The following SPATS2L variants were observed in gnomAD, a reference collection of about 807,000 sequenced individuals.
SPATS2L encodes the protein spermatogenesis associated serine rich 2 like, also known as SPATS2-like protein.
Under a neutral mutation model 59.6 loss-of-function variants are expected in SPATS2L, and 30 were observed. The observed-to-expected ratio is 0.50, with a 90% CI of 0.38 to 0.68. The LOEUF (loss-of-function observed/expected upper bound fraction) is 0.68, where lower values mean the gene tolerates loss of function less well. Among genes scored for constraint, SPATS2L ranks in the 30% least tolerant of loss-of-function variants. The pLI, the probability that SPATS2L is intolerant of heterozygous loss-of-function variation, is 0.00. For synonymous variants in SPATS2L, 252 were observed against 263.5 expected, an observed-to-expected ratio of 0.96 and a Z score of 0.42; for missense variants, 615 against 700.0, an observed-to-expected ratio of 0.88 and a Z score of 1.37.
intron 3 of SPATS2L, among the ~76,000 whole-genome samples, chr2:200,398,063 G>C (rs62279295): frequency 0.087 from 13,294 of 152,210 alleles, 755 homozygotes; most frequent in Middle Eastern, 0.13. Flanking sequence ...GGCTGATGAG[G>C]AGTGTTTAGG....
chr2:200,392,165 C>T (rs573436222), intron 3 of SPATS2L, among the ~76,000 whole-genome samples: 2 of 151,974 alleles, frequency 1.3e-5, no homozygotes, highest in Non-Finnish European at 2.9e-5. Context: ...GGATATCGTC[C>T]AATAGGGGCT....
At chr2:200,356,968 T>C (rs993501706) in intron 2 of SPATS2L, among the ~76,000 whole-genome samples, 3 of 152,198 alleles carry the variant, frequency 2.0e-5, no homozygotes, top group Non-Finnish European at 4.4e-5. Context: ...AGAGCCATCA[T>C]GACCTAATCA....
intron 8 of SPATS2L, among the ~76,000 whole-genome samples, chr2:200,451,287 G>A (rs532278207): frequency 2.0e-5 from 3 of 151,814 alleles, no homozygotes; most frequent in East Asian, 1.9e-4. Context: ...CACCCACACC[G>A]CTGCACCCCA....
Position 200,469,964 on chromosome 2 carries a change from G to A in SPATS2L, c.1008G>A (p.Arg336=). 6.2e-7 allele frequency: 1 copy of A among 1,612,468 alleles called. No homozygotes were observed. The highest frequency in any genetic ancestry group is 8.5e-7 in the Non-Finnish European group (1 of 1,179,266). ...ACGAGGAGCTCGGGAAAGCTGCCCGGTTTTCCTGTGACATCGAACAGCTGA... is the reference window on the plus strand; with the variant it reads ...ACGAGGAGCTCGGGAAAGCTGCCCGATTTTCCTGTGACATCGAACAGCTGA... The part of the protein sequence containing the change: ...KYDEELGKAA[R]FSCDIEQLKA... The change falls in exon 11 of 13, where the codon CGG becomes CGA. Residue 336 remains arginine (R), a synonymous_variant. Coordinates refer to ENST00000409140, the MANE Select transcript of SPATS2L (RefSeq NM_001100423.2).
chr2:200,380,720 A>G (rs1302152301), intron 2 of SPATS2L, among the ~76,000 whole-genome samples: 1 of 152,350 alleles, frequency 6.6e-6, no homozygotes, highest in African/African-American at 2.4e-5. Context: ...TTTTTCTGAC[A>G]TTTGCCCTTA....
In SPATS2L at chr2:200,440,662, G is replaced by T; in HGVS notation, c.666G>T (p.Glu222Asp). Reference sequence around the variant, plus strand: ...CATCAATTTTAGGCCCAAATATTGAGAAATCAGTGAAGGATTTGCAACGCT... The same window carrying T: ...CATCAATTTTAGGCCCAAATATTGATAAATCAGTGAAGGATTTGCAACGCT... ...ELAKKRGPNI[E>D]KSVKDLQRCT... Residue 222 changes from glutamate (E) to aspartate (D), a missense_variant, in exon 8 of 13, where the codon GAG (glutamate) becomes GAT (aspartate). Glu to Asp is a conservative substitution (Grantham distance 45). Coordinates refer to ENST00000409140, the MANE Select transcript of SPATS2L (RefSeq NM_001100423.2). 1 of 1,612,378 alleles carries T rather than the reference G, an allele frequency of 6.2e-7. No individual in the cohort carries two copies. The highest frequency in any genetic ancestry group is 8.5e-7 in the Non-Finnish European group (1 of 1,179,064).
At chr2:200,397,293 T>G (rs922704556) in intron 3 of SPATS2L, among the ~76,000 whole-genome samples, 1 of 152,202 alleles carries the variant, frequency 6.6e-6, no homozygotes, top group Non-Finnish European at 1.5e-5. Context: ...GTAACTTCTA[T>G]TCACAATCCC....
At chr2:200,308,605 G>A (rs2079100745) in intron 1 of SPATS2L, among the ~76,000 whole-genome samples, 1 of 151,926 alleles carries the variant, frequency 6.6e-6, no homozygotes, top group African/African-American at 2.4e-5. Context: ...GTCAAATTCT[G>A]TATCTGTGTG....
chr2:200,339,504 C>T (rs567079332), intron 2 of SPATS2L, among the ~76,000 whole-genome samples: 3 of 152,226 alleles, frequency 2.0e-5, no homozygotes, highest in Admixed American at 2.0e-4. Context: ...GAAATGTTTA[C>T]ACCTGGTTTA....
chr2:200,407,467 C>T (rs1019241343), intron 3 of SPATS2L, among the ~76,000 whole-genome samples: 3 of 152,174 alleles, frequency 2.0e-5, no homozygotes, highest in African/African-American at 7.2e-5. Flanking sequence ...ACATTTCTGG[C>T]TCCACTGCTA....
chr2:200,428,275 T>C (rs2083703097), intron 6 of SPATS2L, among the ~76,000 whole-genome samples: 1 of 152,212 alleles, frequency 6.6e-6, no homozygotes, highest in Non-Finnish European at 1.5e-5. Context: ...GCCTCCATAT[T>C]ATTGAATCTA....
chr2:200,472,321 C>T (rs571142907), intron 11 of SPATS2L, among the ~76,000 whole-genome samples: 4 of 152,352 alleles, frequency 2.6e-5, no homozygotes, highest in Admixed American at 6.5e-5. Flanking sequence ...CATCCAACAT[C>T]ACCCCATTCC....
intron 2 of SPATS2L, among the ~76,000 whole-genome samples, chr2:200,356,161 TA>T (rs1476895889): frequency 6.6e-6 from 1 of 152,234 alleles, no homozygotes; most frequent in Non-Finnish European, 1.5e-5. Flanking sequence ...TATCTATCTA[TA>T]AAGTGTATTG....
Position 200,378,302 on chromosome 2 carries a change from C to T in SPATS2L, c.-22-10921C>T, listed in dbSNP as rs1429968570. On this transcript the variant is annotated intron_variant, in intron 2 of 12. Transcript: ENST00000409140. ...CAGTGGGGGAACAGAGCTTATGTGC[C>T]TCCTGAGAAAGCCAGTCGCTGGAAA... The T allele has an allele frequency of 1.4e-5, 14 of 1,002,370 alleles. No individual in the cohort carries two copies. The East Asian group carries it at 1.4e-3, about 97-fold the overall frequency. The allele number at this position is 1,002,370 out of a possible 1,614,324, so 62.1% of individuals were successfully genotyped here.
intron 2 of SPATS2L, among the ~76,000 whole-genome samples, chr2:200,349,452 A>T (rs1324829631): frequency 6.6e-6 from 1 of 152,250 alleles, no homozygotes; most frequent in Non-Finnish European, 1.5e-5. Flanking sequence ...ATTGACCAAC[A>T]TGGTGAAACC....
chr2:200,311,302 T>C (rs529125736), intron 1 of SPATS2L, among the ~76,000 whole-genome samples: 25 of 152,334 alleles, frequency 1.6e-4, no homozygotes, highest in Non-Finnish European at 3.5e-4. Context: ...TCTTCAGTAG[T>C]TCTAATCAGC....
At position 200,478,054 on chromosome 2, in the gene SPATS2L, T is replaced by A; in HGVS notation, c.*23T>A. The A allele has an allele frequency of 1.3e-6, 2 of 1,519,292 alleles. No individual in the cohort carries two copies. Among genetic ancestry groups the A allele is most frequent in the Non-Finnish European group, 1.8e-6 (2 of 1,135,482 alleles). 94.1% of individuals were successfully genotyped at this position (1,519,292 alleles called of 1,614,324 possible). A position where few individuals can be genotyped will look rare whatever the true frequency, so the allele number is the denominator to read the frequency against. On this transcript the variant is annotated 3_prime_UTR_variant, in exon 13 of 13. Transcript: ENST00000409140. Reference sequence around the variant, plus strand: ...TGAGCTAGGAGGAAAAAGAGCAGTTTTCACTCAGTTTTGGTTCCCTGCCCG... The same window carrying A: ...TGAGCTAGGAGGAAAAAGAGCAGTTATCACTCAGTTTTGGTTCCCTGCCCG...
At chr2:200,367,023 A>G (rs991406153) in intron 2 of SPATS2L, among the ~76,000 whole-genome samples, 20 of 152,340 alleles carry the variant, frequency 1.3e-4, no homozygotes, top group Admixed American at 1.2e-3. Flanking sequence ...AAAATAGACT[A>G]AACACTTTTC....
chr2:200,378,027 A>G (rs2081659935), intron 2 of SPATS2L: 1 of 154,502 alleles, frequency 6.5e-6, no homozygotes, highest in Non-Finnish European at 1.4e-5. Context: ...TCCCTAAGAT[A>G]AGAAGGATGA....
Sources: allele counts gnomAD v4.1 joint callset (sites outside exome capture counted in the v4.1 genomes callset), GRCh38; gene constraint gnomAD v4.1.1; transcripts MANE v1.5; gene names NCBI Gene and HGNC (gene_info 2026-07-23, HGNC 2026-07-21).